Variants in ITPR2 observed in about 807,000 individuals in gnomAD.
ITPR2 encodes the protein inositol 1,4,5-trisphosphate-gated calcium channel ITPR2.
Under a neutral mutation model 317.1 loss-of-function variants are expected in ITPR2, and 207 were observed. The observed-to-expected ratio is 0.65, with a 90% confidence interval of 0.58 to 0.73. The LOEUF is 0.73. ITPR2 is among the 30% of genes least tolerant of loss of function. The pLI is 0.00. For synonymous variants in ITPR2, 1,156 were observed against 1,149.1 expected, an observed-to-expected ratio of 1.01 and a Z score of -0.12; for missense variants, 2,613 against 3,284.0, an observed-to-expected ratio of 0.80 and a Z score of 4.99.
At chr12:26,634,361 T>C (rs1016486369) in intron 21 of ITPR2, among the ~76,000 whole-genome samples, 3 of 152,088 alleles carry the variant, frequency 2.0e-5, no homozygotes, top group African/African-American at 4.8e-5. Context: ...ATCCTCAACA[T>C]TGCAAAAAAA....
chr12:26,355,839 T>C (rs1392777461), intron 55 of ITPR2, among the ~76,000 whole-genome samples: 1 of 152,134 alleles, frequency 6.6e-6, no homozygotes, highest in African/African-American at 2.4e-5. Flanking sequence ...GAATGGCTTT[T>C]GGGGGTCAGC....
chr12:26,476,929 T>G lies in ITPR2; in HGVS notation c.6202A>C (p.Met2068Leu), dbSNP rs200060623. ...SENAERILFN[M>L]RPRELVDVMK... The stretch of plus-strand genomic sequence containing the variant: ...TTTCTTACCAGTTCTCTGGGTCTCA[T>G]GTTAAAAAGAATTCTTTCTGCATTC... The change falls in exon 44 of 57, where the codon ATG (methionine) becomes CTG (leucine). Residue 2068 changes from methionine to leucine, a missense_variant. Coordinates refer to ENST00000381340, the MANE Select transcript of ITPR2 (RefSeq NM_002223.4). The G allele has an allele frequency of 1.9e-6, 3 of 1,612,476 alleles. No individual in the cohort carries two copies. The highest frequency in any genetic ancestry group is 1.7e-6 in the Non-Finnish European group (2 of 1,178,746).
intron 16 of ITPR2, among the ~76,000 whole-genome samples, 194 bp from the exon 17 acceptor site, chr12:26,658,324 TTAATA>T (rs1478401018): frequency 2.0e-5 from 3 of 152,222 alleles, no homozygotes; most frequent in African/African-American, 7.2e-5. Flanking sequence ...TTCTTTTTAT[TTAATA>T]TAAGTCTTGT....
chr12:26,391,555 C>CTTTTT (rs1491173931), intron 54 of ITPR2, among the ~76,000 whole-genome samples: 3,225 of 70,802 alleles, frequency 0.046, 571 homozygotes, highest in East Asian at 0.061. Context: ...TTCTTCTTTT[C>CTTTTT]CTTTTTTTTT....
At chr12:26,496,876 G>A (rs1388522204) in intron 37 of ITPR2, among the ~76,000 whole-genome samples, 1 of 150,626 alleles carries the variant, frequency 6.6e-6, no homozygotes, top group Non-Finnish European at 1.5e-5. Flanking sequence ...CCCAGGAAGC[G>A]GAGCTTGCAG....
intron 32 of ITPR2, among the ~76,000 whole-genome samples, chr12:26,592,499 G>T (rs1056292310): frequency 6.6e-6 from 1 of 152,148 alleles, no homozygotes; most frequent in Admixed American, 6.5e-5. Context: ...TTATATGGCT[G>T]TATCAAAATA....
At chr12:26,636,898 C>A (rs1484819624) in intron 21 of ITPR2, among the ~76,000 whole-genome samples, 7 of 152,136 alleles carry the variant, frequency 4.6e-5, no homozygotes, top group African/African-American at 1.7e-4. Context: ...CAGCATGAAT[C>A]ATGTTTTCCC....
chr12:26,672,024 A>G (rs1351412831), intron 13 of ITPR2, among the ~76,000 whole-genome samples: 1 of 152,090 alleles, frequency 6.6e-6, no homozygotes, highest in Non-Finnish European at 1.5e-5. Context: ...TATGCACCCA[A>G]TACAGGAGCA....
chr12:26,734,630 A>G (rs1217347767), intron 2 of ITPR2, among the ~76,000 whole-genome samples: 1 of 150,782 alleles, frequency 6.6e-6, no homozygotes, highest in Non-Finnish European at 1.5e-5. Context: ...CCTAAATTAA[A>G]AAAAAAAAAA....
intron 2 of ITPR2, among the ~76,000 whole-genome samples, chr12:26,752,598 A>T (rs1187370659): frequency 6.6e-6 from 1 of 152,244 alleles, no homozygotes; most frequent in Non-Finnish European, 1.5e-5. Flanking sequence ...TTAGCATATG[A>T]TCAAGAAATA....
At chr12:26,674,894 A>G (rs1050734443) in intron 13 of ITPR2, among the ~76,000 whole-genome samples, 2 of 151,686 alleles carry the variant, frequency 1.3e-5, no homozygotes, top group Non-Finnish European at 2.9e-5. Flanking sequence ...AAGGACATGA[A>G]TAGACACTTC....
At chr12:26,643,994 A>C (rs1448182629) in intron 21 of ITPR2, among the ~76,000 whole-genome samples, 1 of 152,178 alleles carries the variant, frequency 6.6e-6, no homozygotes, top group Non-Finnish European at 1.5e-5. Context: ...TCTCAAGGGA[A>C]GCCAGATGCT....
chr12:26,827,506 C>T (rs762038728), intron 1 of ITPR2, among the ~76,000 whole-genome samples: 7 of 152,126 alleles, frequency 4.6e-5, no homozygotes, highest in Non-Finnish European at 7.4e-5. Flanking sequence ...GAGGGGCCTC[C>T]AAGAGAGGTC....
intron 2 of ITPR2, among the ~76,000 whole-genome samples, chr12:26,787,707 C>T (rs1950278987): frequency 6.6e-6 from 1 of 152,192 alleles, no homozygotes; most frequent in Non-Finnish European, 1.5e-5. Flanking sequence ...CAAGTTTTAT[C>T]ACATGATCCC....
chr12:26,544,227 G>A (rs1384420377), intron 37 of ITPR2, among the ~76,000 whole-genome samples: 1 of 151,912 alleles, frequency 6.6e-6, no homozygotes, highest in East Asian at 1.9e-4. Context: ...TTAAGATGTT[G>A]CCCACCCGTA....
chr12:26,624,497 G>C (rs1444752048), intron 23 of ITPR2, 141 bp from the exon 24 acceptor site: 1 of 595,492 alleles, frequency 1.7e-6, no homozygotes, highest in Non-Finnish European at 3.0e-6. Context: ...CTAATAATCT[G>C]ATTTTAAAAT....
chr12:26,736,870 T>C (rs1949128372), intron 2 of ITPR2, among the ~76,000 whole-genome samples: 1 of 152,176 alleles, frequency 6.6e-6, no homozygotes, highest in South Asian at 2.1e-4. Context: ...TTAGCCAGTA[T>C]CCAAAGTTCA....
chr12:26,785,634 G>A (rs1354865479), intron 2 of ITPR2, among the ~76,000 whole-genome samples: 1 of 31,484 alleles, frequency 3.2e-5, no homozygotes, highest in African/African-American at 8.8e-5. Flanking sequence ...CCAGCCAGCC[G>A]CCCCGTCCGG....
chr12:26,673,496 C>G (rs1260015359), intron 13 of ITPR2, among the ~76,000 whole-genome samples: 65 of 151,462 alleles, frequency 4.3e-4, no homozygotes, highest in South Asian at 1.0e-3. Context: ...ATTCAACAAC[C>G]CTTCATGCTA....
Sources: allele counts gnomAD v4.1 joint callset (sites outside exome capture counted in the v4.1 genomes callset), GRCh38; gene constraint gnomAD v4.1.1; transcripts MANE v1.5; gene names NCBI Gene and HGNC (gene_info 2026-07-23, HGNC 2026-07-21).